CYP2W1: variants seen among roughly 807,000 people sequenced by gnomAD.
CYP2W1 encodes cytochrome P450 family 2 subfamily W member 1.
In CYP2W1, 51 loss-of-function variants were observed where a neutral mutation model predicts 44.9. That is an observed-to-expected ratio of 1.14 (90% CI 0.91 to 1.43). CYP2W1 has a LOEUF of 1.43. Ranked by LOEUF, CYP2W1 falls within the 40% of genes most tolerant of loss-of-function variation. The pLI is 0.00. For synonymous variants in CYP2W1, 383 were observed against 338.3 expected, an observed-to-expected ratio of 1.13 and a Z score of -1.45; for missense variants, 746 against 700.0, an observed-to-expected ratio of 1.07 and a Z score of -0.74.
intron 4 of CYP2W1, among the ~76,000 whole-genome samples, chr7:986,237 C>G (rs1227801997): frequency 6.6e-6 from 1 of 152,196 alleles, no homozygotes. Flanking sequence ...CCAGGCTCAC[C>G]CCTCAGATAC....
chr7:986,546 C>T (rs1440981702), intron 4 of CYP2W1, 78 bp from the exon 5 acceptor site: 25 of 1,545,350 alleles, frequency 1.6e-5, no homozygotes, highest in Non-Finnish European at 2.2e-5. Context: ...AACACAGCCG[C>T]TGGGGACGAT....
intron 2 of CYP2W1, 53 bp downstream of exon 2, chr7:984,627 C>T (rs1401452423): frequency 2.0e-6 from 3 of 1,518,836 alleles, no homozygotes; most frequent in Non-Finnish European, 2.6e-6. Flanking sequence ...GCACCTGGAC[C>T]CCAGGAGGGG....
Position 987,393 on chromosome 7 carries a change from T to A in CYP2W1, c.1005T>A (p.Thr335=), listed in dbSNP as rs1469152047. ...ELDRVLGPGR[T]PRLEDQQALP... is the part of the protein sequence containing the mutation. ...ACCGCGTGCTGGGCCCTGGGCGGAC[T>A]CCCCGGCTGGAGGACCAGCAGGCTC... Residue 335 remains threonine (T), a synonymous_variant, in exon 7 of 9, where the codon ACT becomes ACA. Coordinates refer to ENST00000308919, the MANE Select transcript of CYP2W1 (RefSeq NM_017781.3). The A allele has an allele frequency of 1.3e-6, 2 of 1,595,184 alleles. No homozygotes were observed. The highest frequency in any genetic ancestry group is 2.2e-5 in the South Asian group (2 of 90,162).
rs771350390 is a variant in CYP2W1, at chr7:984,965, C to A, written c.353C>A (p.Ser118Tyr). The A allele has an allele frequency of 6.2e-7, 1 of 1,604,284 alleles. No homozygotes were observed. Among genetic ancestry groups the A allele is most frequent in the South Asian group, 1.1e-5 (1 of 90,876 alleles). ...CTGCCTACAGGCATCTTCTTCTCATCTGGGGCGCGCTGGAGGGCTGCCCGC... is the reference window on the plus strand; with the variant it reads ...CTGCCTACAGGCATCTTCTTCTCATATGGGGCGCGCTGGAGGGCTGCCCGC... ...IQRGGGIFFS[S>Y]GARWRAARQF... Residue 118 changes from serine to tyrosine, a missense_variant, in exon 3 of 9, where the codon TCT becomes TAT. Coordinates refer to ENST00000308919, the MANE Select transcript of CYP2W1 (RefSeq NM_017781.3).
rs562495627 is a variant in CYP2W1 at position 987,269 on chromosome 7, A to G, written c.958+24A>G. 2.7e-6 allele frequency: 4 copies of G among 1,504,922 alleles called. No individual in the cohort carries two copies. The East Asian group carries it at 9.9e-5, about 37-fold the overall frequency. The allele number at this position is 1,504,922 out of a possible 1,614,324, so 93.2% of individuals were successfully genotyped here. A position where few individuals can be genotyped will look rare whatever the true frequency, so the allele number is the denominator to read the frequency against. On this transcript the variant is annotated intron_variant, in intron 6 of 8. Transcript: ENST00000308919. ...GGGTGAGACCCCGGCGCCTGGCGAG[A>G]CGGCTCCTTCTGCCCCCGGGGGACC...
rs773055759 is a variant in CYP2W1 at position 987,222 on chromosome 7, T to C, written c.935T>C (p.Met312Thr). 1.3e-6 allele frequency: 2 copies of C among 1,540,074 alleles called. 1 individual carries two copies. Among genetic ancestry groups the C allele is most frequent in the South Asian group, 2.4e-5 (2 of 83,720 alleles). ...ACGCTGCAGTGGGCCGCACTTCTGA[T>C]GGGCCGGCACCCGGACGTGCAGGGT... is the stretch of plus-strand genomic sequence containing the variant. The part of the protein sequence containing the change: ...SATLQWAALL[M>T]GRHPDVQGRV... The change falls in exon 6 of 9, where the codon ATG (methionine) becomes ACG (threonine). Residue 312 changes from methionine to threonine, a missense_variant. Met to Thr is a moderately conservative substitution (Grantham distance 81). Transcript: ENST00000308919.
chr7:985,103 A>G lies in CYP2W1; in HGVS notation c.487+4A>G, dbSNP rs796427847. On this transcript the variant is annotated splice_donor_region_variant and intron_variant, in intron 3 of 8. Transcript: ENST00000308919. ...GGGCAGCTGGATGGCTACAGAGGTG[A>G]GCAGGGGGCCGGGGACGCCCCTCCC... The G allele has an allele frequency of 3.7e-6, 6 of 1,611,492 alleles. No individual in the cohort carries two copies. Among genetic ancestry groups the G allele is most frequent in the Non-Finnish European group, 5.1e-6 (6 of 1,179,394 alleles).
Position 983,181 on chromosome 7 carries a change from A to G in CYP2W1, c.-31A>G. On this transcript the variant is annotated 5_prime_UTR_variant, in exon 1 of 9. Transcript: ENST00000308919. ...GGGTGCGGGGGGGACGGGGCCCAGG[A>G]GGGGAGTGGAGCCTCACCAGCCACG... The G allele has an allele frequency of 6.9e-7, 1 of 1,451,226 alleles. No homozygotes were observed. Among genetic ancestry groups the G allele is most frequent in the Non-Finnish European group, 9.2e-7 (1 of 1,092,840 alleles). 89.9% of individuals were successfully genotyped at this position (1,451,226 alleles called of 1,614,324 possible).
Position 987,525 on chromosome 7 carries a change from C to A in CYP2W1, c.1137C>A (p.Leu379=). 6.6e-7 allele frequency: 1 copy of A among 1,522,006 alleles called. No individual in the cohort carries two copies. 94.3% of individuals were successfully genotyped at this position (1,522,006 alleles called of 1,614,324 possible). The change falls in exon 7 of 9, where the codon CTC becomes CTA. Residue 379 remains leucine (L), a synonymous_variant. Transcript: ENST00000308919. ...ACACACAGCTGGGCGGCTTCCTGCTCCCCAAGGTGGGGCTGGGCCTCCCTT... is the reference window on the plus strand; with the variant it reads ...ACACACAGCTGGGCGGCTTCCTGCTACCCAAGGTGGGGCTGGGCCTCCCTT... ...AADTQLGGFL[L]PKGTPVIPLL... is the part of the protein sequence containing the mutation.
Position 983,272 on chromosome 7 carries a change from TGCGCCC to T in CYP2W1, c.62_67del (p.Cys21_Gln23delinsTer), listed in dbSNP as rs1378415545. 1 of 1,543,608 alleles carries T rather than the reference TGCGCCC, an allele frequency of 6.5e-7. No individual in the cohort carries two copies. The highest frequency in any genetic ancestry group is 2.4e-5 in the East Asian group (1 of 40,862). On this transcript the variant is annotated stop_gained and inframe_deletion, in exon 1 of 9. Coordinates refer to ENST00000308919, the MANE Select transcript of CYP2W1 (RefSeq NM_017781.3). LOFTEE classifies it high-confidence loss of function. ...GGGGCTCTGGGGGCTGCTCTGCGCC[TGCGCCC>T]AAGACCCCTCCCCAGCTGCCCGGTG...
Position 987,361 on chromosome 7 carries a change from G to T in CYP2W1, c.973G>T (p.Glu325Ter), listed in dbSNP as rs769529571. 1.3e-6 allele frequency: 2 copies of T among 1,589,346 alleles called. No individual in the cohort carries two copies. The highest frequency in any genetic ancestry group is 1.1e-5 in the South Asian group (1 of 89,442). Residue 325 changes from glutamate (E) to a stop codon, truncating the protein, a stop_gained, in exon 7 of 9, where the codon GAG becomes TAG. Transcript: ENST00000308919. LOFTEE classifies it high-confidence loss of function. ...CTTTGCCCCAGGCCGGGTGCAGGAG[G>T]AGCTAGACCGCGTGCTGGGCCCTGG... Reference protein sequence around the residue: ...HPDVQGRVQEELDRVLGPGRT... With the variant: ...HPDVQGRVQE
At position 983,251 on chromosome 7, in the gene CYP2W1, C is replaced by T. The variant is rs1216357160; in HGVS notation, c.40C>T (p.Leu14Phe). 3 of 1,535,842 alleles carry T rather than the reference C, an allele frequency of 2.0e-6. No individual in the cohort carries two copies. The highest frequency in any genetic ancestry group is 2.6e-6 in the Non-Finnish European group (3 of 1,138,696). ...CTTGCTGTTCCTGGGCCTCCTGGGG[C>T]TCTGGGGGCTGCTCTGCGCCTGCGC... ...LLLLFLGLLGLWGLLCACAQD... is the reference protein window; with the variant it reads ...LLLLFLGLLGFWGLLCACAQD... The change falls in exon 1 of 9, where the codon CTC becomes TTC. Residue 14 changes from leucine (L) to phenylalanine (F), a missense_variant. Leu to Phe is a conservative substitution (Grantham distance 22, BLOSUM62 0). Transcript: ENST00000308919.
chr7:984,841 G>GC (rs1306229961), intron 2 of CYP2W1, 109 bp from the exon 3 acceptor site: 1 of 1,414,948 alleles, frequency 7.1e-7, no homozygotes, highest in Non-Finnish European at 9.5e-7. Context: ...GGGGGTGAGG[G>GC]CCCAGCCAGT....
chr7:986,849 A>G, intron 5 of CYP2W1, 52 bp downstream of exon 5: 1 of 1,447,202 alleles, frequency 6.9e-7, no homozygotes, highest in South Asian at 1.4e-5. Context: ...CCTGAGGGAC[A>G]CCCCAGGGGA....
rs747016601 is a variant in CYP2W1, at chr7:987,118, C to T, written c.831C>T (p.Pro277=). ...ALIQQGQGDD[P]EGLFAEANAV... is the part of the protein sequence containing the mutation. ...CCACGCCTCTGCAGGGGGATGACCC[C>T]GAGGGCCTGTTTGCTGAGGCCAACG... is the stretch of plus-strand genomic sequence containing the variant. Residue 277 remains proline (P), a synonymous_variant, in exon 6 of 9, where the codon CCC becomes CCT. Transcript: ENST00000308919. 1.5e-5 allele frequency: 23 copies of T among 1,559,730 alleles called. No individual in the cohort carries two copies. The highest frequency in any genetic ancestry group is 5.4e-5 in the African/African-American group (4 of 73,424).
chr7:986,161 C>T (rs1848327188), intron 4 of CYP2W1, among the ~76,000 whole-genome samples: 1 of 152,198 alleles, frequency 6.6e-6, no homozygotes, highest in African/African-American at 2.4e-5. Context: ...CGCGGACGCC[C>T]CAGGAAGGCG....
In CYP2W1 at chr7:985,042, G is replaced by C; in HGVS notation, c.430G>C (p.Ala144Pro). Residue 144 changes from alanine to proline, a missense_variant, in exon 3 of 9, where the codon GCT (alanine) becomes CCT (proline). Ala to Pro is a conservative substitution (Grantham distance 27). Coordinates refer to ENST00000308919, the MANE Select transcript of CYP2W1 (RefSeq NM_017781.3). The part of the protein sequence containing the change: ...HSLGVGREPV[A>P]DKILQELKCL... Reference sequence around the variant, plus strand: ...CCTGGGCGTGGGCCGGGAGCCGGTGGCTGACAAGATTCTGCAGGAGCTGAA... The same window carrying C: ...CCTGGGCGTGGGCCGGGAGCCGGTGCCTGACAAGATTCTGCAGGAGCTGAA... 6.2e-7 allele frequency: 1 copy of C among 1,612,448 alleles called. No homozygotes were observed. The highest frequency in any genetic ancestry group is 8.5e-7 in the Non-Finnish European group (1 of 1,179,852).
intron 6 of CYP2W1, 41 bp downstream of exon 6, chr7:987,286 CG>C: frequency 1.3e-6 from 2 of 1,507,764 alleles, no homozygotes; most frequent in Non-Finnish European, 8.9e-7. Context: ...CTTCTGCCCC[CG>C]GGGGACCCCC....
At chr7:987,955 TG>T (rs759978216) in intron 7 of CYP2W1, among the ~76,000 whole-genome samples, 2 of 94,898 alleles carry the variant, frequency 2.1e-5, no homozygotes, top group Admixed American at 1.0e-4. Flanking sequence ...CTGTGTGTCC[TG>T]GGGGTCCCCT....
Sources: allele counts gnomAD v4.1 joint callset (sites outside exome capture counted in the v4.1 genomes callset), GRCh38; gene constraint gnomAD v4.1.1; transcripts MANE v1.5; gene names NCBI Gene and HGNC (gene_info 2026-07-23, HGNC 2026-07-21).